LRGUK: variants seen among roughly 807,000 people sequenced by gnomAD.
LRGUK encodes the protein leucine rich repeats and guanylate kinase domain containing.
In LRGUK, 65 loss-of-function variants were observed where a neutral mutation model predicts 76.0. That is an observed-to-expected ratio of 0.85 (90% confidence interval 0.70 to 1.05). The LOEUF is 1.05. LRGUK is among the 50% of genes least tolerant of loss of function. The pLI is 0.00. For missense variants in LRGUK, 758 were observed against 732.8 expected, an observed-to-expected ratio of 1.03 and a Z score of -0.40; for synonymous variants, 268 against 265.6, an observed-to-expected ratio of 1.01 and a Z score of -0.09.
At chr7:134,209,832 C>G (rs966477410) in exon 16 of LRGUK, 7 of 399,218 alleles carry the variant, frequency 1.8e-5, no homozygotes, top group Non-Finnish European at 2.2e-5. Context: ...ATCAGTCCCC[C>G]CAGCCAGGAG....
intron 7 of LRGUK, among the ~76,000 whole-genome samples, chr7:134,166,858 CT>C (rs1799012498): frequency 6.6e-6 from 1 of 152,214 alleles, no homozygotes; most frequent in Admixed American, 6.5e-5. Context: ...CATTACCCCC[CT>C]CTTCACTGAA....
At chr7:134,164,132 T>C (rs746796153) in intron 7 of LRGUK, among the ~76,000 whole-genome samples, 14 of 152,210 alleles carry the variant, frequency 9.2e-5, no homozygotes, top group African/African-American at 3.4e-4. Context: ...CTTTGTGATG[T>C]AACACATTTC....
chr7:134,132,177 T>A (rs1440329989), intron 1 of LRGUK, among the ~76,000 whole-genome samples: 1 of 151,994 alleles, frequency 6.6e-6, no homozygotes, highest in Non-Finnish European at 1.5e-5. Flanking sequence ...TAAGACCCTG[T>A]CTCTATAAAA....
chr7:134,143,075 G>T (rs1797835829), exon 4 of LRGUK: 8 of 1,586,480 alleles, frequency 5.0e-6, no homozygotes, highest in Non-Finnish European at 6.9e-6. Flanking sequence ...TATCTTGTGT[G>T]AGTTGTATGC....
intron 16 of LRGUK, among the ~76,000 whole-genome samples, chr7:134,241,571 T>G (rs1802154069): frequency 6.6e-6 from 1 of 152,172 alleles, no homozygotes; most frequent in Admixed American, 6.5e-5. Flanking sequence ...CTTAGAGACC[T>G]ATATAGAGAC....
rs572198982 is a variant in LRGUK, at chr7:134,229,541, T to C, written c.1983+7623T>C. Among the ~76,000 whole-genome samples, 198 of 152,308 alleles carry C rather than the reference T, an allele frequency of 1.3e-3. 1 individual carries two copies. Among genetic ancestry groups the C allele is most frequent in the Admixed American group, 3.5e-3 (54 of 15,294 alleles). On this transcript the variant is annotated intron_variant, in intron 16 of 19. Transcript: ENST00000285928. ...ATTAAAGACCTAAAAAGTGGAGAGA[T>C]AGACCATGTTTATGGATTGATGGCT... is the stretch of plus-strand genomic sequence containing the variant.
chr7:134,264,539 G>C (rs1305175217), exon 20 of LRGUK: 1 of 152,162 alleles, frequency 6.6e-6, no homozygotes, highest in Non-Finnish European at 1.5e-5. Context: ...AATTTTGGGG[G>C]GTTCTTGACT....
chr7:134,165,696 G>A (rs139816337), intron 7 of LRGUK, among the ~76,000 whole-genome samples: 2 of 152,116 alleles, frequency 1.3e-5, no homozygotes, highest in Admixed American at 6.5e-5. Flanking sequence ...CATCCAGTGT[G>A]TATTTTACAC....
intron 6 of LRGUK, among the ~76,000 whole-genome samples, chr7:134,161,397 C>T (rs1006893873): frequency 6.6e-6 from 1 of 151,760 alleles, no homozygotes; most frequent in Non-Finnish European, 1.5e-5. Flanking sequence ...TTTACTTTGG[C>T]AAATGGATTA....
In LRGUK at chr7:134,171,040, A is replaced by T. The variant is rs182563985; in HGVS notation, c.940-3516A>T. ...TTAAGATTCTACTAAGATACAGAAA[A>T]CGTAAATAAAACTATTTGTCTTTAG... On this transcript the variant is annotated intron_variant, in intron 7 of 15. Coordinates refer to ENST00000645682, the Ensembl canonical transcript of LRGUK. Among the ~76,000 whole-genome samples the T allele has an allele frequency of 5.5e-3, 833 of 152,306 alleles. 5 individuals carry two copies. The highest frequency in any genetic ancestry group is 0.01 in the Middle Eastern group (3 of 294).
chr7:134,152,659 C>T (rs186980334), intron 5 of LRGUK, among the ~76,000 whole-genome samples: 122 of 151,972 alleles, frequency 8.0e-4, no homozygotes, highest in Middle Eastern at 3.4e-3. Flanking sequence ...GTTCAACCAC[C>T]GTGGAAAACA....
At chr7:134,163,508 C>T in exon 7 of LRGUK, 1 of 1,613,490 alleles carries the variant, frequency 6.2e-7, no homozygotes. Context: ...GAATCATGAC[C>T]TCCTGGAAGT....
chr7:134,213,687 T>C (rs1216568894), downstream of LRGUK, among the ~76,000 whole-genome samples: 1 of 152,170 alleles, frequency 6.6e-6, no homozygotes, highest in Non-Finnish European at 1.5e-5. Flanking sequence ...GTTATTGCTT[T>C]GGTAGTATAT....
chr7:134,256,152 C>G (rs547503265), intron 18 of LRGUK, among the ~76,000 whole-genome samples: 2 of 152,232 alleles, frequency 1.3e-5, no homozygotes, highest in African/African-American at 2.4e-5. Context: ...CACCCCCGAA[C>G]CTTCCCTTAA....
At chr7:134,184,948 C>T (rs1255061437) in intron 11 of LRGUK, among the ~76,000 whole-genome samples, 7 of 152,222 alleles carry the variant, frequency 4.6e-5, no homozygotes, top group Admixed American at 4.6e-4. Context: ...TATCTGTGCT[C>T]AGGGACAGCC....
chr7:134,185,922 T>C (rs1799963295), intron 11 of LRGUK, among the ~76,000 whole-genome samples: 1 of 152,130 alleles, frequency 6.6e-6, no homozygotes, highest in Non-Finnish European at 1.5e-5. Flanking sequence ...AAATTAAAAG[T>C]TAATGTTAGA....
chr7:134,197,194 TAAAC>T (rs1800529178), intron 13 of LRGUK, 89 bp downstream of exon 13: 1 of 736,774 alleles, frequency 1.4e-6, no homozygotes, highest in African/African-American at 1.8e-5. Flanking sequence ...TATATATGTA[TAAAC>T]TTTTTACTGA....
chr7:134,201,643 T>C, intron 15 of LRGUK, 67 bp downstream of exon 15: 1 of 1,179,012 alleles, frequency 8.5e-7, no homozygotes, highest in Non-Finnish European at 1.2e-6. Context: ...AAATCTGAGT[T>C]GCTATTTGGG....
rs1402661353 is a variant in LRGUK, at chr7:134,258,414, T to A, written c.2347+9T>A. The A allele has an allele frequency of 6.2e-7, 1 of 1,613,058 alleles. No homozygotes were observed. The highest frequency in any genetic ancestry group is 8.5e-7 in the Non-Finnish European group (1 of 1,179,406). ...CGAAGAGACCCGGAAAGGTATGAGT[T>A]AGGCCAAGCGCGGTGGCTCATGCCT... On this transcript the variant is annotated intron_variant, in intron 19 of 19. Coordinates refer to the LRGUK transcript ENST00000285928.
Sources: gnomAD v4.1 joint callset for allele counts (sites outside exome capture counted in the v4.1 genomes callset) on GRCh38, gnomAD v4.1.1 for gene constraint, MANE v1.5 for transcripts, NCBI Gene and HGNC (gene_info 2026-07-23, HGNC 2026-07-21) for gene names.